Variants in CLK4 observed in about 807,000 individuals in gnomAD.
CLK4 encodes the protein dual specificity protein kinase CLK4.
CLK4 carries 37 observed loss-of-function variants against 64.4 expected under a neutral mutation model. That is an observed-to-expected ratio of 0.57 (90% CI 0.44 to 0.76). The LOEUF (loss-of-function observed/expected upper bound fraction) is 0.76. Among genes scored for constraint, CLK4 ranks in the 30% least tolerant of loss-of-function variants. The pLI is 0.00. For synonymous variants in CLK4, 175 were observed against 191.6 expected (o/e 0.91, Z 0.72); for missense variants, 457 against 605.1 (o/e 0.76, Z 2.57).
At chr5:178,608,287 A>G (rs1192286707) in intron 10 of CLK4, 89 bp downstream of exon 10, 2 of 905,404 alleles carry the variant, frequency 2.2e-6, no homozygotes, top group Admixed American at 5.4e-5. Context: ...ATGTATGGCA[A>G]TTTTCCAATA....
chr5:178,619,214 G>A (rs562773891), intron 2 of CLK4, among the ~76,000 whole-genome samples: 24 of 152,346 alleles, frequency 1.6e-4, no homozygotes, highest in African/African-American at 4.8e-4. Flanking sequence ...AGGTATATTA[G>A]AGCTATAAGG....
intron 5 of CLK4, among the ~76,000 whole-genome samples, 191 bp from the exon 6 acceptor site, chr5:178,614,034 A>G (rs1261803143): frequency 1.3e-5 from 2 of 152,226 alleles, no homozygotes; most frequent in African/African-American, 4.8e-5. Context: ...TGAAGTGATA[A>G]TTCCCTTAAT....
At chr5:178,607,527 T>TTTTTTG (rs1243393919) in intron 10 of CLK4, among the ~76,000 whole-genome samples, 2 of 147,906 alleles carry the variant, frequency 1.4e-5, no homozygotes, top group African/African-American at 5.0e-5. Flanking sequence ...TTTTTTTTTT[T>TTTTTTG]TTGCAACAGA....
rs1213815004 is a variant in CLK4 at position 178,617,715 on chromosome 5, G to C, written c.385-281C>G. The C allele has an allele frequency of 1.3e-5, 3 of 226,860 alleles. No individual in the cohort carries two copies. Among genetic ancestry groups the C allele is most frequent in the East Asian group, 1.8e-4 (2 of 10,886 alleles). 14.1% of individuals were successfully genotyped at this position (226,860 alleles called of 1,614,324 possible). A position where few individuals can be genotyped will look rare whatever the true frequency, so the allele number is the denominator to read the frequency against. ...AACACAATTGTCTCTTTAAAATACTGATTTAATTGAAGTCTGAAATTTAAA... is the reference window on the plus strand; with the variant it reads ...AACACAATTGTCTCTTTAAAATACTCATTTAATTGAAGTCTGAAATTTAAA... On this transcript the variant is annotated intron_variant, in intron 3 of 12. Coordinates refer to ENST00000316308, the MANE Select transcript of CLK4 (RefSeq NM_020666.3). The surrounding 1 kb of genome is among the most constrained non-coding windows in gnomAD (Gnocchi z 5.2).
chr5:178,606,234 C>A (rs1764465640), intron 10 of CLK4, among the ~76,000 whole-genome samples: 1 of 152,126 alleles, frequency 6.6e-6, no homozygotes, highest in Non-Finnish European at 1.5e-5. Context: ...CACAAAATCA[C>A]CGGAAGCATC....
Position 178,613,726 on chromosome 5 carries a change from C to T in CLK4, c.659+1G>A, listed in dbSNP as rs562424003. On this transcript the variant is annotated splice_donor_variant, in intron 6 of 12. Transcript: ENST00000316308. LOFTEE classifies it high-confidence loss of function. ...GGCTCCTAGGTGAAAGTTATACTTACAAGACACTATTGGGATCAGTACTAT... is the reference window on the plus strand; with the variant it reads ...GGCTCCTAGGTGAAAGTTATACTTATAAGACACTATTGGGATCAGTACTAT... 1.9e-6 allele frequency: 3 copies of T among 1,610,718 alleles called. No homozygotes were observed. The highest frequency in any genetic ancestry group is 2.5e-6 in the Non-Finnish European group (3 of 1,177,686).
intron 5 of CLK4, among the ~76,000 whole-genome samples, chr5:178,615,028 A>G (rs981076210): frequency 6.6e-6 from 1 of 152,196 alleles, no homozygotes; most frequent in Non-Finnish European, 1.5e-5. Flanking sequence ...CTGCCCCAAT[A>G]AAGGAAACAT....
intron 1 of CLK4, among the ~76,000 whole-genome samples, chr5:178,625,006 G>A (rs1255662728): frequency 6.6e-6 from 1 of 152,168 alleles, no homozygotes; most frequent in Admixed American, 6.5e-5. Flanking sequence ...AGGAAGAGAA[G>A]GCACTGATCA....
chr5:178,623,061 C>T (rs991163794), intron 2 of CLK4, 195 bp downstream of exon 2: 5 of 547,842 alleles, frequency 9.1e-6, no homozygotes, highest in African/African-American at 3.9e-5. Flanking sequence ...GACAGACATA[C>T]ATAAGGATAA....
chr5:178,612,803 G>A lies in CLK4; in HGVS notation c.914C>T (p.Ser305Phe). The part of the protein sequence containing the change: ...VKSDYVVKYN[S>F]KMKRDERTLK... ...AACAAGTCTTTAACTTACCATTTTA[G>A]AATTATATTTGACTACATAGTCAGA... Residue 305 changes from serine to phenylalanine, a missense_variant, in exon 8 of 13, where the codon TCT (serine) becomes TTT (phenylalanine). Ser to Phe is a radical substitution (Grantham distance 155, BLOSUM62 -2). Transcript: ENST00000316308. The A allele has an allele frequency of 6.6e-7, 1 of 1,520,032 alleles. No individual in the cohort carries two copies. Among genetic ancestry groups the A allele is most frequent in the Non-Finnish European group, 9.1e-7 (1 of 1,102,908 alleles). 94.2% of individuals were successfully genotyped at this position (1,520,032 alleles called of 1,614,324 possible). A position where few individuals can be genotyped will look rare whatever the true frequency, so the allele number is the denominator to read the frequency against.
At chr5:178,626,704 C>A (rs1224098168) in intron 1 of CLK4, among the ~76,000 whole-genome samples, 4 of 142,012 alleles carry the variant, frequency 2.8e-5, no homozygotes, top group African/African-American at 8.8e-5. Context: ...GGACCGCGAG[C>A]CCACGGCCTC....
chr5:178,616,906 A>G lies in CLK4; in HGVS notation c.518T>C (p.Val173Ala). The G allele has an allele frequency of 6.2e-7, 1 of 1,613,926 alleles. No individual in the cohort carries two copies. The highest frequency in any genetic ancestry group is 8.5e-7 in the Non-Finnish European group (1 of 1,179,774). ...CATGCCATGATCAATGCACTCTACA[A>G]CTTTGCCAAAGGCTCCTTCACCCAA... ...DTLGEGAFGKVVECIDHGMDG... is the reference protein window; with the variant it reads ...DTLGEGAFGKAVECIDHGMDG... The change falls in exon 5 of 13, where the codon GTT (valine) becomes GCT (alanine). Residue 173 changes from valine (V) to alanine (A), a missense_variant. Physicochemically the swap from Val to Ala is moderately conservative, Grantham distance 64. Coordinates refer to ENST00000316308, the MANE Select transcript of CLK4 (RefSeq NM_020666.3).
At chr5:178,609,620 T>G (rs1023327994) in intron 9 of CLK4, among the ~76,000 whole-genome samples, 2 of 151,590 alleles carry the variant, frequency 1.3e-5, no homozygotes, top group African/African-American at 4.9e-5. Context: ...AAGGCAGAGG[T>G]TGCAGTAAGC....
intron 9 of CLK4, among the ~76,000 whole-genome samples, chr5:178,609,416 C>T (rs531950972): frequency 3.3e-5 from 5 of 152,292 alleles, no homozygotes; most frequent in Admixed American, 2.0e-4. Flanking sequence ...GGCGCGGTGG[C>T]TCATGCCTGT....
intron 1 of CLK4, 53 bp from the exon 2 acceptor site, chr5:178,623,469 A>C: frequency 7.2e-7 from 1 of 1,390,676 alleles, no homozygotes; most frequent in South Asian, 1.6e-5. Context: ...TGTGATAGGT[A>C]AATTATTATA....
At chr5:178,620,046 G>C in intron 2 of CLK4, 1 of 355,222 alleles carries the variant, frequency 2.8e-6, no homozygotes, top group Non-Finnish European at 5.9e-6. Flanking sequence ...CAGGGGGCTG[G>C]TTTAGGCAGA....
chr5:178,626,310 C>G (rs926576976), intron 1 of CLK4, among the ~76,000 whole-genome samples: 1 of 152,190 alleles, frequency 6.6e-6, no homozygotes, highest in Non-Finnish European at 1.5e-5. Context: ...TAATAAGATG[C>G]AAAACCACCA....
chr5:178,620,681 A>T (rs1174670167), intron 2 of CLK4: 1 of 398,102 alleles, frequency 2.5e-6, no homozygotes, highest in African/African-American at 2.1e-5. Context: ...GTCCTGTGGG[A>T]GATAAAAAAA....
chr5:178,619,517 T>C (rs535446680), intron 2 of CLK4, among the ~76,000 whole-genome samples: 1 of 152,332 alleles, frequency 6.6e-6, no homozygotes, highest in South Asian at 2.1e-4. Context: ...AAAGGGATCC[T>C]GTAGTTTAGC....
Sources: allele counts gnomAD v4.1 joint callset (sites outside exome capture counted in the v4.1 genomes callset), GRCh38; gene constraint gnomAD v4.1.1; non-coding constraint Gnocchi (gnomAD v3.1); transcripts MANE v1.5; gene names NCBI Gene and HGNC (gene_info 2026-07-23, HGNC 2026-07-21).